The following GLT8D2 variants were observed in gnomAD, a reference collection of about 807,000 sequenced individuals.
GLT8D2 encodes the protein glycosyltransferase 8 domain-containing protein 2.
GLT8D2 carries 45 observed loss-of-function variants against 44.5 expected under a neutral mutation model. The observed-to-expected ratio is 1.01, with a 90% CI of 0.80 to 1.30. The LOEUF is 1.30. Among genes scored for constraint, GLT8D2 ranks in the 50% most tolerant of loss-of-function variants. The pLI, the probability that GLT8D2 is intolerant of heterozygous loss-of-function variation, is 0.00. For synonymous variants in GLT8D2, 156 were observed against 157.2 expected (o/e 0.99, Z 0.06); for missense variants, 400 against 430.4 (o/e 0.93, Z 0.62).
intron 1 of GLT8D2, among the ~76,000 whole-genome samples, chr12:104,056,600 T>A (rs529872404): frequency 3.3e-4 from 51 of 152,370 alleles, no homozygotes; most frequent in Admixed American, 1.8e-3. Context: ...TATAGCACAG[T>A]CCTTGCTTGG....
chr12:104,012,362 A>C (rs1410867637), intron 4 of GLT8D2, among the ~76,000 whole-genome samples: 1 of 152,126 alleles, frequency 6.6e-6, no homozygotes, highest in Non-Finnish European at 1.5e-5. Flanking sequence ...GATTTTAAAA[A>C]ATTTTAACAC....
chr12:104,025,502 C>T (rs998925933), intron 1 of GLT8D2, among the ~76,000 whole-genome samples: 1 of 152,164 alleles, frequency 6.6e-6, no homozygotes, highest in Admixed American at 6.5e-5. Context: ...AGCCACCACA[C>T]CTGGCCTTTT....
At chr12:104,029,285 T>C (rs1041604381) in intron 1 of GLT8D2, among the ~76,000 whole-genome samples, 2 of 150,772 alleles carry the variant, frequency 1.3e-5, no homozygotes, top group African/African-American at 2.4e-5. Context: ...TGAGACTCCA[T>C]CTCAAAAAAA....
At chr12:103,993,279 C>T (rs1872998885) in intron 10 of GLT8D2, 113 bp downstream of exon 10, 4 of 796,436 alleles carry the variant, frequency 5.0e-6, no homozygotes, top group African/African-American at 1.7e-5. Context: ...TCCAGTGAGC[C>T]GAGATCACGC....
intron 3 of GLT8D2, among the ~76,000 whole-genome samples, chr12:104,015,393 AACACACACACACACACAC>A (rs55732553): frequency 4.8e-5 from 6 of 126,100 alleles, no homozygotes; most frequent in African/African-American, 2.0e-4. Context: ...AACAACAACA[AACACACACACACACACAC>A]ACACACACAC....
chr12:104,052,621 T>C (rs1365779344), upstream of GLT8D2, among the ~76,000 whole-genome samples: 4 of 152,196 alleles, frequency 2.6e-5, no homozygotes, highest in Admixed American at 6.5e-5. Flanking sequence ...TGTAGAATTA[T>C]TGACTGCCCT....
At chr12:104,034,771 A>G (rs533948156) in intron 1 of GLT8D2, among the ~76,000 whole-genome samples, 1 of 152,366 alleles carries the variant, frequency 6.6e-6, no homozygotes, top group African/African-American at 2.4e-5. Flanking sequence ...CCTGTCTGAC[A>G]GCTCTGAAGA....
At chr12:104,058,879 C>T (rs897642881) in intron 1 of GLT8D2, among the ~76,000 whole-genome samples, 4 of 152,164 alleles carry the variant, frequency 2.6e-5, no homozygotes, top group African/African-American at 7.2e-5. Flanking sequence ...TCAAAGACCC[C>T]CAGAGATGCC....
intron 1 of GLT8D2, among the ~76,000 whole-genome samples, chr12:104,045,931 G>GAA (rs769532016): frequency 8.7e-5 from 12 of 137,162 alleles, no homozygotes; most frequent in East Asian, 2.1e-4. Context: ...AAGAAAGAAA[G>GAA]AAAGAAAAAG....
Position 103,996,819 on chromosome 12 carries a change from G to T in GLT8D2, c.516C>A (p.Thr172=), listed in dbSNP as rs368329923. The T allele has an allele frequency of 6.2e-7, 1 of 1,614,008 alleles. No homozygotes were observed. Among genetic ancestry groups the T allele is most frequent in the East Asian group, 2.2e-5 (1 of 44,888 alleles). ...QGDIQELYDT[T]LALGHAAAFS... ...AAGCCGCCGCGTGGCCCAGGGCCAA[G>T]GTGGTGTCATACAGTTCTTGGATAT... The change falls in exon 8 of 11, where the codon ACC becomes ACA. Residue 172 remains threonine (T), a synonymous_variant. Transcript: ENST00000360814.
At chr12:104,030,247 A>C (rs1163977525) in intron 1 of GLT8D2, among the ~76,000 whole-genome samples, 1 of 152,172 alleles carries the variant, frequency 6.6e-6, no homozygotes, top group Non-Finnish European at 1.5e-5. Flanking sequence ...AGAATACACA[A>C]TGGGGAAAGG....
chr12:103,996,889 G>A (rs1566190533), intron 7 of GLT8D2, 42 bp from the exon 8 acceptor site: 2 of 1,435,822 alleles, frequency 1.4e-6, no homozygotes, highest in East Asian at 2.3e-5. Context: ...TATAGCATTT[G>A]TTTTTGGGCT....
Position 103,989,134 on chromosome 12 carries a change from A to T in GLT8D2, c.*274T>A. ...AAATTTGTGGATATAATTGTCATTC[A>T]GAATTAAGCAGGTTGATTGCTGTTA... On this transcript the variant is annotated 3_prime_UTR_variant, in exon 11 of 11. Coordinates refer to ENST00000360814, the MANE Select transcript of GLT8D2 (RefSeq NM_001384711.1). The T allele has an allele frequency of 3.9e-6, 1 of 258,436 alleles. No individual in the cohort carries two copies. The highest frequency in any genetic ancestry group is 7.1e-5 in the East Asian group (1 of 14,048). 16.0% of individuals were successfully genotyped at this position (258,436 alleles called of 1,614,324 possible).
intron 1 of GLT8D2, among the ~76,000 whole-genome samples, chr12:104,034,672 G>A (rs531774978): frequency 1.3e-5 from 2 of 152,370 alleles, no homozygotes; most frequent in South Asian, 4.1e-4. Context: ...CCACAGCTCC[G>A]CAAAGCCAGC....
chr12:104,005,440 C>T (rs531076281), intron 4 of GLT8D2, among the ~76,000 whole-genome samples: 3 of 152,234 alleles, frequency 2.0e-5, no homozygotes, highest in Admixed American at 6.5e-5. Flanking sequence ...TCAGAGTGAA[C>T]AGGCAACCTA....
chr12:104,022,749 T>TACAC (rs10690249), intron 1 of GLT8D2, among the ~76,000 whole-genome samples: 1,561 of 149,874 alleles, frequency 0.01, 25 homozygotes, highest in African/African-American at 0.031. Flanking sequence ...CAGGAGATTC[T>TACAC]ACACACACAC....
intron 1 of GLT8D2, among the ~76,000 whole-genome samples, chr12:104,022,057 GGAAAGAAA>G (rs199560501): frequency 1.1e-5 from 1 of 90,618 alleles, no homozygotes; most frequent in East Asian, 3.3e-4. Flanking sequence ...GAAGAAGAAG[GGAAAGAAA>G]GAAAGAAAGA....
At chr12:104,024,839 G>A (rs989282331) in intron 1 of GLT8D2, among the ~76,000 whole-genome samples, 11 of 152,130 alleles carry the variant, frequency 7.2e-5, no homozygotes, top group Non-Finnish European at 8.8e-5. Context: ...GAGAGGTTGA[G>A]GCTGGCAGAT....
At chr12:104,025,724 G>T (rs1878491925) in intron 1 of GLT8D2, among the ~76,000 whole-genome samples, 1 of 152,088 alleles carries the variant, frequency 6.6e-6, no homozygotes, top group Non-Finnish European at 1.5e-5. Context: ...ACCATTTGTT[G>T]AGAAAGCCAT....
Sources: gnomAD v4.1 joint callset for allele counts (sites outside exome capture counted in the v4.1 genomes callset) on GRCh38, gnomAD v4.1.1 for gene constraint, MANE v1.5 for transcripts, NCBI Gene and HGNC (gene_info 2026-07-23, HGNC 2026-07-21) for gene names.